Variants in CSMD1 observed in about 807,000 individuals in gnomAD.
CSMD1 encodes the protein CUB and sushi domain-containing protein 1.
Under a neutral mutation model 417.5 loss-of-function variants are expected in CSMD1, and 213 were observed. That is an observed-to-expected ratio of 0.51 (90% confidence interval 0.46 to 0.57). The LOEUF (loss-of-function observed/expected upper bound fraction) is 0.57. Among genes scored for constraint, CSMD1 ranks in the 20% least tolerant of loss-of-function variants. The probability of loss-of-function intolerance (pLI) is 0.00; values close to 1 mark genes in which losing one functional copy is unlikely to be tolerated. For synonymous variants in CSMD1, 2,862 were observed against 1,736.8 expected (o/e 1.65, Z -16.11); for missense variants, 6,923 against 4,529.7 (o/e 1.53, Z -15.17).
In CSMD1 at chr8:3,029,435, T is replaced by C; in HGVS notation, c.7739A>G (p.Tyr2580Cys). 2 of 1,610,778 alleles carry C rather than the reference T, an allele frequency of 1.2e-6. No individual in the cohort carries two copies. The highest frequency in any genetic ancestry group is 1.7e-6 in the Non-Finnish European group (2 of 1,178,780). Residue 2580 changes from tyrosine to cysteine, a missense_variant, in exon 51 of 70, where the codon TAC (tyrosine) becomes TGC (cysteine). Physicochemically the swap from Tyr to Cys is radical, Grantham distance 194 (BLOSUM62 -2). Coordinates refer to ENST00000635120, the MANE Select transcript of CSMD1 (RefSeq NM_033225.6). Reference sequence around the variant, plus strand: ...GCAGCTCAGCAATACTTGAGCACCGTACTCATTCAAGGATCCTGAAACCAG... The same window carrying C: ...GCAGCTCAGCAATACTTGAGCACCGCACTCATTCAAGGATCCTGAAACCAG... ...WRLVSGSLNE[Y>C]GAQVLLSCSP...
intron 5 of CSMD1, among the ~76,000 whole-genome samples, chr8:3,985,938 T>G (rs1228411466): frequency 6.6e-6 from 1 of 151,386 alleles, no homozygotes; most frequent in Non-Finnish European, 1.5e-5. Flanking sequence ...ACTCAATTTT[T>G]TTTTCTAATT....
intron 25 of CSMD1, among the ~76,000 whole-genome samples, chr8:3,297,503 CAG>C (rs1804054240): frequency 1.3e-5 from 2 of 151,978 alleles, no homozygotes; most frequent in Admixed American, 6.6e-5. Context: ...AGTTTGGAAA[CAG>C]ATCTGCATAG....
At chr8:3,454,953 C>G (rs1180028706) in intron 12 of CSMD1, among the ~76,000 whole-genome samples, 1 of 152,210 alleles carries the variant, frequency 6.6e-6, no homozygotes, top group African/African-American at 2.4e-5. Flanking sequence ...GTACACCAAT[C>G]AGATGTAGAT....
intron 3 of CSMD1, among the ~76,000 whole-genome samples, chr8:4,312,995 A>G (rs10110255): frequency 0.81 from 122,705 of 152,100 alleles, 49,680 homozygotes; most frequent in African/African-American, 0.87. Context: ...CGGGGAAATG[A>G]AGATGGGGAG....
At chr8:3,807,527 G>A (rs185285389) in intron 5 of CSMD1, among the ~76,000 whole-genome samples, 3 of 152,254 alleles carry the variant, frequency 2.0e-5, no homozygotes, top group South Asian at 2.1e-4. Context: ...AGCTTCAACA[G>A]ATACTAATGA....
intron 23 of CSMD1, among the ~76,000 whole-genome samples, chr8:3,335,316 T>C (rs910829753): frequency 9.2e-5 from 14 of 152,250 alleles, no homozygotes; most frequent in Middle Eastern, 3.4e-3. Flanking sequence ...CAGGATCAAT[T>C]TCCCCTCCAT....
chr8:4,058,409 G>C (rs1798807147), intron 3 of CSMD1, among the ~76,000 whole-genome samples: 1 of 152,136 alleles, frequency 6.6e-6, no homozygotes, highest in African/African-American at 2.4e-5. Context: ...TGCTGAAGAT[G>C]CTTATCAGCT....
intron 8 of CSMD1, among the ~76,000 whole-genome samples, chr8:3,590,721 G>C (rs1800808959): frequency 6.6e-6 from 1 of 152,266 alleles, no homozygotes; most frequent in Non-Finnish European, 1.5e-5. Flanking sequence ...CTGGCAAACA[G>C]AGCCAATGTG....
chr8:3,132,625 C>A (rs1389054978), intron 41 of CSMD1, among the ~76,000 whole-genome samples: 2 of 152,128 alleles, frequency 1.3e-5, no homozygotes, highest in Non-Finnish European at 2.9e-5. Flanking sequence ...TATATTTCCA[C>A]CAGATTATTC....
chr8:4,047,229 G>C (rs966943835), intron 3 of CSMD1, among the ~76,000 whole-genome samples: 2 of 152,130 alleles, frequency 1.3e-5, no homozygotes, highest in African/African-American at 2.4e-5. Context: ...TCTGACTCTA[G>C]TGTTCATCAA....
chr8:4,396,246 G>C (rs1266896657), intron 3 of CSMD1, among the ~76,000 whole-genome samples: 2 of 151,870 alleles, frequency 1.3e-5, no homozygotes, highest in Admixed American at 6.6e-5. Context: ...CAGATCGCTT[G>C]AGCCCAGGTG....
chr8:3,592,290 C>G (rs1451327516), intron 8 of CSMD1, among the ~76,000 whole-genome samples: 1 of 152,038 alleles, frequency 6.6e-6, no homozygotes. Context: ...AAAAAGTCCA[C>G]TTCAAACATA....
intron 3 of CSMD1, among the ~76,000 whole-genome samples, chr8:4,038,467 G>C (rs112089179): frequency 7.2e-5 from 11 of 152,156 alleles, no homozygotes; most frequent in South Asian, 2.1e-4. Context: ...TTTAGTGTTC[G>C]AGAAAAACTA....
intron 26 of CSMD1, among the ~76,000 whole-genome samples, chr8:3,233,462 T>C (rs754483617): frequency 6.6e-6 from 1 of 152,232 alleles, no homozygotes; most frequent in Non-Finnish European, 1.5e-5. Context: ...ATTTTCTTTA[T>C]AAATTACCCA....
chr8:3,482,549 T>C (rs545100539), intron 11 of CSMD1, among the ~76,000 whole-genome samples: 22 of 152,046 alleles, frequency 1.4e-4, no homozygotes, highest in African/African-American at 3.1e-4. Context: ...AAGAGAAAAA[T>C]AGCAACCTCC....
At chr8:4,089,300 G>A (rs183802794) in intron 3 of CSMD1, among the ~76,000 whole-genome samples, 38 of 152,294 alleles carry the variant, frequency 2.5e-4, no homozygotes, top group Non-Finnish European at 4.0e-4. Flanking sequence ...ACTTGTAGAT[G>A]TTTGAAAGAA....
intron 10 of CSMD1, among the ~76,000 whole-genome samples, chr8:3,565,283 G>T (rs1563159071): frequency 6.6e-6 from 1 of 151,934 alleles, no homozygotes; most frequent in Non-Finnish European, 1.5e-5. Context: ...AAGCAAGTTG[G>T]CCAGGCGTCC....
chr8:4,210,326 G>A (rs940760323), intron 3 of CSMD1, among the ~76,000 whole-genome samples: 2 of 152,160 alleles, frequency 1.3e-5, no homozygotes, highest in Non-Finnish European at 2.9e-5. Context: ...GTGTGGGATT[G>A]TGCTGTGTCA....
intron 1 of CSMD1, among the ~76,000 whole-genome samples, chr8:4,687,595 G>T (rs1483100063): frequency 6.6e-6 from 1 of 152,116 alleles, no homozygotes; most frequent in African/African-American, 2.4e-5. Context: ...TAACAAGAAA[G>T]GTAGTTACTC....
Sources: gnomAD v4.1 joint callset for allele counts (sites outside exome capture counted in the v4.1 genomes callset) on GRCh38, gnomAD v4.1.1 for gene constraint, MANE v1.5 for transcripts, NCBI Gene and HGNC (gene_info 2026-07-23, HGNC 2026-07-21) for gene names.